KIAA1671: variants seen among roughly 807,000 people sequenced by gnomAD.
KIAA1671 encodes KIAA1671, also known as uncharacterized protein KIAA1671.
KIAA1671 carries 52 observed loss-of-function variants against 131.2 expected under a neutral mutation model. The observed-to-expected ratio is 0.40, with a 90% CI of 0.32 to 0.50. KIAA1671 has a LOEUF of 0.50. Ranked by LOEUF, KIAA1671 falls within the 20% of genes least tolerant of loss-of-function variation. The pLI is 0.73. For missense variants in KIAA1671, 2,360 were observed against 2,364.2 expected, an observed-to-expected ratio of 1.00 and a Z score of 0.04; for synonymous variants, 1,003 against 961.6, an observed-to-expected ratio of 1.04 and a Z score of -0.80.
At chr22:24,978,889 C>T (rs1157592741) in intron 1 of KIAA1671, among the ~76,000 whole-genome samples, 5 of 151,888 alleles carry the variant, frequency 3.3e-5, no homozygotes, top group African/African-American at 1.2e-4. Context: ...TTCACCATGT[C>T]GGCCAGGCTG....
At chr22:24,965,284 G>C (rs951394986) in intron 1 of KIAA1671, among the ~76,000 whole-genome samples, 2 of 151,390 alleles carry the variant, frequency 1.3e-5, no homozygotes, top group Non-Finnish European at 2.9e-5. Flanking sequence ...GCATGGTGGC[G>C]TACACTTGTA....
rs547549337 is a variant in KIAA1671 at position 24,994,656 on chromosome 22, G to A, written c.-207-30977G>A. Among the ~76,000 whole-genome samples, 3 of 152,230 alleles carry A rather than the reference G, an allele frequency of 2.0e-5. No individual in the cohort carries two copies. In the East Asian group the frequency reaches 5.8e-4, roughly 29 times the overall value. ...GCGACCGTGGCTCAGGTGAACCAGC[G>A]CATGAGGTCAGAGGCTCTGACAAAG... On this transcript the variant is annotated intron_variant, in intron 1 of 12. Transcript: ENST00000358431.
Position 25,089,370 on chromosome 22 carries a change from G to A in KIAA1671, c.4530+40006G>A, listed in dbSNP as rs563495645. ...GCTCACTGCAACATCTGCCTCCCGGGTTCAAGCAATTCTGCTGCCTCAGCC... is the reference window on the plus strand; with the variant it reads ...GCTCACTGCAACATCTGCCTCCCGGATTCAAGCAATTCTGCTGCCTCAGCC... On this transcript the variant is annotated intron_variant, in intron 6 of 12. Transcript: ENST00000358431. Among the ~76,000 whole-genome samples the A allele has an allele frequency of 2.0e-4, 30 of 151,208 alleles. No homozygotes were observed. In the South Asian group the frequency reaches 6.3e-3, roughly 32 times the overall value.
Position 25,108,228 on chromosome 22 carries a change from C to T in KIAA1671, c.4530+58864C>T, listed in dbSNP as rs138962075. Among the ~76,000 whole-genome samples the T allele has an allele frequency of 1.9e-3, 288 of 152,242 alleles. 7 individuals are homozygous for T. In the South Asian group the frequency reaches 0.044, roughly 23 times the overall value. On this transcript the variant is annotated intron_variant, in intron 6 of 12. Coordinates refer to ENST00000358431, the MANE Select transcript of KIAA1671 (RefSeq NM_001145206.2). ...GATCATTTTAAAGGTGTTTTACTTT[C>T]TATTTTGATTTAACATTTTTCCTCC...
intron 1 of KIAA1671, among the ~76,000 whole-genome samples, chr22:24,982,469 T>G (rs1923288089): frequency 6.6e-6 from 1 of 152,236 alleles, no homozygotes. Context: ...ATGTCCATTC[T>G]CTGGACTGTG....
At chr22:25,175,444 C>G (rs1933989253) in intron 8 of KIAA1671, 1 of 152,232 alleles carries the variant, frequency 6.6e-6, no homozygotes, top group African/African-American at 2.4e-5. Flanking sequence ...TGGCCAAGGT[C>G]TCTCGCTGGC....
chr22:25,020,069 G>C (rs1201183141), intron 1 of KIAA1671, among the ~76,000 whole-genome samples: 1 of 152,194 alleles, frequency 6.6e-6, no homozygotes, highest in Non-Finnish European at 1.5e-5. Context: ...ATTTTTAAAA[G>C]TGGGATTACT....
At position 25,041,411 on chromosome 22, in the gene KIAA1671, A is replaced by C. The variant is rs1433162094; in HGVS notation, c.4281A>C (p.Glu1427Asp). The change falls in exon 5 of 13, where the codon GAA becomes GAC. Residue 1427 changes from glutamate (E) to aspartate (D), a missense_variant. Physicochemically the swap from Glu to Asp is conservative, Grantham distance 45. This residue lies in a region of KIAA1671 where 1,161 missense variants were observed against 1,204.7 expected (regional missense o/e 0.96). Transcript: ENST00000358431. Reference sequence around the variant, plus strand: ...GAGAGGGCCTGTCCATCATGCATGAAGCCAGAGAGAGGAGGCGAGAGCAGC... The same window carrying C: ...GAGAGGGCCTGTCCATCATGCATGACGCCAGAGAGAGGAGGCGAGAGCAGC... ...NIREGLSIMH[E>D]ARERRREQPK... The C allele has an allele frequency of 1.3e-6, 2 of 1,551,818 alleles. No individual in the cohort carries two copies. The highest frequency in any genetic ancestry group is 3.9e-5 in the Admixed American group (2 of 51,012).
intron 4 of KIAA1671, among the ~76,000 whole-genome samples, chr22:25,034,194 C>T (rs919669292): frequency 6.6e-6 from 1 of 151,926 alleles, no homozygotes; most frequent in Admixed American, 6.6e-5. Flanking sequence ...TACAGGCACC[C>T]ACTACCACGC....
chr22:25,001,237 ATGTGTGTGTGTG>A (rs138205947), intron 1 of KIAA1671, among the ~76,000 whole-genome samples: 1 of 112,674 alleles, frequency 8.9e-6, no homozygotes. Flanking sequence ...GTGTGTGTAT[ATGTGTGTGTGTG>A]TGTATGTGTG....
At chr22:24,994,785 T>C (rs760144710) in intron 1 of KIAA1671, among the ~76,000 whole-genome samples, 12 of 152,188 alleles carry the variant, frequency 7.9e-5, no homozygotes, top group Non-Finnish European at 1.6e-4. Flanking sequence ...GGTCATTTTC[T>C]TGGGGTCCCC....
chr22:25,105,373 G>C (rs190927440), intron 6 of KIAA1671, among the ~76,000 whole-genome samples: 1 of 152,264 alleles, frequency 6.6e-6, no homozygotes, highest in Non-Finnish European at 1.5e-5. Flanking sequence ...GGCGATCTCT[G>C]TGTCTCGCCT....
At chr22:25,170,338 A>G (rs1296632797) in intron 6 of KIAA1671, among the ~76,000 whole-genome samples, 1 of 152,232 alleles carries the variant, frequency 6.6e-6, no homozygotes, top group African/African-American at 2.4e-5. Context: ...AGCTCAGCCC[A>G]ATGCCTGTCC....
At chr22:25,009,918 C>CA (rs933178512) in intron 1 of KIAA1671, 3 of 152,280 alleles carry the variant, frequency 2.0e-5, no homozygotes, top group African/African-American at 7.2e-5. Flanking sequence ...TGACAAGTGA[C>CA]AGACTGGTGT....
intron 1 of KIAA1671, among the ~76,000 whole-genome samples, chr22:24,979,864 T>G (rs1365265772): frequency 6.6e-6 from 1 of 152,188 alleles, no homozygotes; most frequent in Non-Finnish European, 1.5e-5. Context: ...AGGCATCTGA[T>G]ACAAGTGAAC....
chr22:25,112,365 C>T (rs1042912276), intron 6 of KIAA1671: 28 of 398,990 alleles, frequency 7.0e-5, no homozygotes, highest in Non-Finnish European at 1.0e-4. Context: ...CACCTGGCTT[C>T]CCGGAGTCGG....
chr22:25,042,520 A>T (rs1313218405), intron 5 of KIAA1671, among the ~76,000 whole-genome samples: 1 of 136,016 alleles, frequency 7.4e-6, no homozygotes, highest in East Asian at 2.1e-4. Flanking sequence ...GGGCTGGAAT[A>T]CAATGGTGTG....
chr22:25,183,510 G>A (rs1056717837), intron 10 of KIAA1671, among the ~76,000 whole-genome samples: 6 of 111,918 alleles, frequency 5.4e-5, no homozygotes, highest in East Asian at 2.9e-4. Context: ...TTCCTTCCTT[G>A]TTCTCTCCTT....
rs1470611889 is a variant in KIAA1671, at chr22:25,028,497, G to A, written c.498G>A (p.Glu166=). Residue 166 remains glutamate (E), a synonymous_variant, in exon 3 of 13, where the codon GAG becomes GAA. Transcript: ENST00000358431. ...AGGCGGTTAGTGAGGGGGCGGAGGA[G>A]GCCAAGCTAGGTGTGTCCGGCTCCC... ...LGKAVSEGAE[E]AKLGVSGSRP... 5 of 1,549,230 alleles carry A rather than the reference G, an allele frequency of 3.2e-6. No homozygotes were observed. Among genetic ancestry groups the A allele is most frequent in the East Asian group, 2.4e-5 (1 of 40,908 alleles).
Sources: allele counts gnomAD v4.1 joint callset (sites outside exome capture counted in the v4.1 genomes callset), GRCh38; gene constraint gnomAD v4.1.1; regional missense constraint gnomAD v4.1.1; transcripts MANE v1.5; gene names NCBI Gene and HGNC (gene_info 2026-07-23, HGNC 2026-07-21).